The following UNC13B variants were observed in gnomAD, a reference collection of about 807,000 sequenced individuals.
UNC13B encodes protein unc-13 homolog B.
UNC13B carries 144 observed loss-of-function variants against 211.0 expected under a neutral mutation model. That is an observed-to-expected ratio of 0.68 (90% CI 0.60 to 0.78). The LOEUF is 0.78. Among genes scored for constraint, UNC13B ranks in the 30% least tolerant of loss-of-function variants. UNC13B has a pLI of 0.00. For synonymous variants in UNC13B, 709 were observed against 725.8 expected (o/e 0.98, Z 0.37); for missense variants, 1,777 against 2,002.0 (o/e 0.89, Z 2.14).
intron 1 of UNC13B, among the ~76,000 whole-genome samples, chr9:35,193,740 G>A (rs1253350179): frequency 1.3e-5 from 2 of 151,900 alleles, no homozygotes; most frequent in Admixed American, 1.3e-4. Context: ...ATAAAATTTG[G>A]TTTTGGAGGA....
At chr9:35,243,162 A>G in intron 5 of UNC13B, 129 bp from the exon 6 acceptor site, 1 of 814,876 alleles carries the variant, frequency 1.2e-6, no homozygotes, top group East Asian at 2.5e-5. Flanking sequence ...GAACCAAACC[A>G]TCAGTTAAAA....
At chr9:35,387,245 C>G (rs10511921) in intron 24 of UNC13B, among the ~76,000 whole-genome samples, 28,450 of 152,170 alleles carry the variant, frequency 0.19, 3,060 homozygotes, top group South Asian at 0.28. Context: ...TGAGATAGAC[C>G]TTAAAAGGCA....
At chr9:35,221,483 T>C (rs1225468551) in intron 1 of UNC13B, among the ~76,000 whole-genome samples, 1 of 152,248 alleles carries the variant, frequency 6.6e-6, no homozygotes, top group Non-Finnish European at 1.5e-5. Flanking sequence ...TGGTTATTAA[T>C]CACTTGTCAG....
Position 35,303,847 on chromosome 9 carries a change from T to TGAAAA in UNC13B, c.4446_4450dup (p.Thr1484LysfsTer7). On this transcript the variant is annotated frameshift_variant, in exon 9 of 40. Transcript: ENST00000635942. LOFTEE classifies it high-confidence loss of function. The stretch of plus-strand genomic sequence containing the variant: ...TTGACTTAAGTTCTTCATCAGATCA[T>TGAAAA]GAAAAGACTACATGCCCCGTAGTTG... 1 of 398,800 alleles carries TGAAAA rather than the reference T, an allele frequency of 2.5e-6. No homozygotes were observed. The highest frequency in any genetic ancestry group is 4.4e-6 in the Non-Finnish European group (1 of 225,860). 24.7% of individuals were successfully genotyped at this position (398,800 alleles called of 1,614,324 possible).
chr9:35,258,385 T>C (rs1827059653), intron 6 of UNC13B, among the ~76,000 whole-genome samples: 1 of 152,242 alleles, frequency 6.6e-6, no homozygotes, highest in South Asian at 2.1e-4. Context: ...CTTTTCCTTT[T>C]ATGGAACATT....
intron 7 of UNC13B, among the ~76,000 whole-genome samples, chr9:35,265,628 T>C (rs1827524929): frequency 6.6e-6 from 1 of 151,142 alleles, no homozygotes; most frequent in Non-Finnish European, 1.5e-5. Context: ...TGGCCTTAAA[T>C]TTTTTTTAAT....
chr9:35,232,133 A>G (rs917294195), intron 3 of UNC13B, among the ~76,000 whole-genome samples: 8 of 137,460 alleles, frequency 5.8e-5, no homozygotes, highest in African/African-American at 2.2e-4. Flanking sequence ...TATTATTTTT[A>G]AGGGGAGACA....
rs1361708272 is a variant in UNC13B, at chr9:35,306,068, T to C, written c.6664T>C (p.Leu2222=). The C allele has an allele frequency of 2.5e-6, 1 of 398,848 alleles. No individual in the cohort carries two copies. The highest frequency in any genetic ancestry group is 4.4e-5 in the Admixed American group (1 of 22,700). 24.7% of individuals were successfully genotyped at this position (398,848 alleles called of 1,614,324 possible). A position where few individuals can be genotyped will look rare whatever the true frequency, so the allele number is the denominator to read the frequency against. The part of the protein sequence containing the change: ...STFSFFSLSF[L]DQKKETSGEK... ...TTTTAGTTTCTTCAGCTTGTCCTTT[T>C]TGGATCAAAAAAAGGAGACCTCTGG... The change falls in exon 9 of 40, where the codon TTG becomes CTG. Residue 2222 remains leucine (L), a synonymous_variant. Coordinates refer to ENST00000635942, the MANE Select transcript of UNC13B (RefSeq NM_001371189.2).
chr9:35,380,346 C>T, intron 17 of UNC13B, 124 bp from the exon 18 acceptor site: 6 of 1,048,492 alleles, frequency 5.7e-6, no homozygotes, highest in South Asian at 1.7e-5. Context: ...TACTGCTGTC[C>T]TCTGACTTCT....
intron 1 of UNC13B, among the ~76,000 whole-genome samples, chr9:35,167,922 T>C (rs965293427): frequency 2.0e-5 from 3 of 151,688 alleles, no homozygotes; most frequent in African/African-American, 7.3e-5. Context: ...TTTTTAAACA[T>C]TTGTTTTTAT....
intron 1 of UNC13B, among the ~76,000 whole-genome samples, chr9:35,212,266 C>T (rs1824008310): frequency 6.6e-6 from 1 of 152,074 alleles, no homozygotes; most frequent in Non-Finnish European, 1.5e-5. Context: ...CACAGTAGCA[C>T]AGAGGTATAA....
In UNC13B at chr9:35,382,765, T is replaced by C. The variant is rs887873599; in HGVS notation, c.10806+258T>C. Among the ~76,000 whole-genome samples, 21 of 152,096 alleles carry C rather than the reference T, an allele frequency of 1.4e-4. 1 individual carries two copies. Among genetic ancestry groups the C allele is most frequent in the Admixed American group, 3.9e-4 (6 of 15,268 alleles). On this transcript the variant is annotated intron_variant, in intron 21 of 39. Coordinates refer to ENST00000635942, the MANE Select transcript of UNC13B (RefSeq NM_001371189.2). ...TTTAGTAGAGATGGGGGTTTTGCCA[T>C]GTTGGCCAGGCTGGTCTGGAACTCC...
chr9:35,305,862 C>A lies in UNC13B; in HGVS notation c.6458C>A (p.Pro2153Gln). The change falls in exon 9 of 40, where the codon CCA becomes CAA. Residue 2153 changes from proline (P) to glutamine (Q), a missense_variant. Transcript: ENST00000635942. ...ATGGCTGCAACATCTTCATCTCAAC[C>A]AGAGTTATCAACCAAAAAGAGTATA... ...FSMAATSSSQ[P>Q]ELSTKKSIFS... 2.5e-6 allele frequency: 1 copy of A among 398,958 alleles called. No homozygotes were observed. Among genetic ancestry groups the A allele is most frequent in the Admixed American group, 4.4e-5 (1 of 22,718 alleles). The allele number at this position is 398,958 out of a possible 1,614,324, so 24.7% of individuals were successfully genotyped here.
chr9:35,269,146 A>G (rs1249210524), intron 7 of UNC13B, among the ~76,000 whole-genome samples: 2 of 152,188 alleles, frequency 1.3e-5, no homozygotes, highest in African/African-American at 2.4e-5. Context: ...GAGACCAATC[A>G]TAAATCCCAG....
intron 11 of UNC13B, among the ~76,000 whole-genome samples, chr9:35,331,664 A>G (rs1831376028): frequency 6.6e-6 from 1 of 152,158 alleles, no homozygotes; most frequent in South Asian, 2.1e-4. Flanking sequence ...AGGTAGAAAT[A>G]ATTAACAGTT....
At chr9:35,375,872 T>C (rs972239731) in intron 14 of UNC13B, among the ~76,000 whole-genome samples, 156 bp from the exon 15 acceptor site, 11 of 152,154 alleles carry the variant, frequency 7.2e-5, no homozygotes, top group African/African-American at 2.4e-4. Flanking sequence ...TCCCAGCTAC[T>C]TGGGGGCCAA....
At position 35,398,980 on chromosome 9, in the gene UNC13B, C is replaced by T. The variant is rs769128557; in HGVS notation, c.12020C>T (p.Ala4007Val). 1.4e-5 allele frequency: 23 copies of T among 1,614,044 alleles called. 1 individual carries two copies. The highest frequency in any genetic ancestry group is 4.0e-5 in the African/African-American group (3 of 74,918). ...GNASPDARAS[A>V]AQDADSVLRP... Reference sequence around the variant, plus strand: ...GCATCTCCAGACGCCAGGGCCTCAGCGGCTCAGGATGCAGATAGCGTACTC... The same window carrying T: ...GCATCTCCAGACGCCAGGGCCTCAGTGGCTCAGGATGCAGATAGCGTACTC... Residue 4007 changes from alanine (A) to valine (V), a missense_variant, in exon 33 of 40, where the codon GCG becomes GTG. Transcript: ENST00000635942.
chr9:35,191,230 G>T (rs936530210), intron 1 of UNC13B, among the ~76,000 whole-genome samples: 5 of 152,212 alleles, frequency 3.3e-5, no homozygotes, highest in Non-Finnish European at 7.3e-5. Context: ...GGGATTACAA[G>T]CGTGAGCCAC....
chr9:35,375,407 T>C (rs929683684), intron 14 of UNC13B, among the ~76,000 whole-genome samples: 3 of 152,192 alleles, frequency 2.0e-5, no homozygotes, highest in African/African-American at 7.2e-5. Context: ...AGCCCAAGTC[T>C]CATGTTGAAG....
Sources: allele counts gnomAD v4.1 joint callset (sites outside exome capture counted in the v4.1 genomes callset), GRCh38; gene constraint gnomAD v4.1.1; transcripts MANE v1.5; gene names NCBI Gene and HGNC (gene_info 2026-07-23, HGNC 2026-07-21).